The following PDSS2 variants were observed in gnomAD, a reference collection of about 807,000 sequenced individuals.
PDSS2 encodes the protein decaprenyl diphosphate synthase subunit 2, also known as all trans-polyprenyl-diphosphate synthase PDSS2.
PDSS2 carries 31 observed loss-of-function variants against 44.5 expected under a neutral mutation model. That is an observed-to-expected ratio of 0.70 (90% CI 0.52 to 0.94). The LOEUF is 0.94. Among genes scored for constraint, PDSS2 ranks in the 40% least tolerant of loss-of-function variants. The pLI, the probability that PDSS2 is intolerant of heterozygous loss-of-function variation, is 0.00. For synonymous variants in PDSS2, 157 were observed against 180.3 expected (o/e 0.87, Z 1.03); for missense variants, 452 against 482.2 (o/e 0.94, Z 0.59).
intron 7 of PDSS2, among the ~76,000 whole-genome samples, chr6:107,181,595 G>T (rs977169673): frequency 6.9e-6 from 1 of 143,932 alleles, no homozygotes; most frequent in African/African-American, 2.6e-5. Context: ...AAGAAAAAAA[G>T]AAAATTATGG....
At chr6:107,326,643 G>A (rs988127601) in intron 2 of PDSS2, among the ~76,000 whole-genome samples, 5 of 151,738 alleles carry the variant, frequency 3.3e-5, no homozygotes, top group Non-Finnish European at 4.4e-5. Context: ...CTTGAGGCTA[G>A]GAGTTCAATA....
At chr6:107,236,018 A>C (rs1370192801) in intron 4 of PDSS2, among the ~76,000 whole-genome samples, 15 of 152,190 alleles carry the variant, frequency 9.9e-5, no homozygotes, top group Non-Finnish European at 4.4e-5. Flanking sequence ...TCAGAAAAAA[A>C]AATTGAAGAA....
At chr6:107,398,073 A>G (rs1780002361) in intron 1 of PDSS2, among the ~76,000 whole-genome samples, 1 of 152,220 alleles carries the variant, frequency 6.6e-6, no homozygotes, top group African/African-American at 2.4e-5. Flanking sequence ...CTCTGTAACT[A>G]ACCTTTAAGA....
chr6:107,274,085 CA>C lies in PDSS2; in HGVS notation c.573del (p.Ser191ArgfsTer6). On this transcript the variant is annotated frameshift_variant, in exon 3 of 8. Transcript: ENST00000369037. LOFTEE classifies it high-confidence loss of function. Reference sequence around the variant, plus strand: ...CAGGCATTTGCTAGAAGAAAGTCTCCACTCAGGATAGCAATTTTATTTCCAA... The same window carrying C: ...CAGGCATTTGCTAGAAGAAAGTCTCCCTCAGGATAGCAATTTTATTTCCAA... ...MQFGNKIAIL[S>X]GDFLLANACN... The C allele has an allele frequency of 6.2e-7, 1 of 1,614,034 alleles. No homozygotes were observed. Among genetic ancestry groups the C allele is most frequent in the Non-Finnish European group, 8.5e-7 (1 of 1,179,918 alleles).
chr6:107,273,146 AG>A (rs1775660811), intron 3 of PDSS2, among the ~76,000 whole-genome samples: 1 of 151,878 alleles, frequency 6.6e-6, no homozygotes, highest in Non-Finnish European at 1.5e-5. Context: ...CACCACGCCC[AG>A]TTAATTTTTT....
rs562221778 is a variant in PDSS2, at chr6:107,408,337, T to C, written c.296+50653A>G. On this transcript the variant is annotated intron_variant, in intron 1 of 7. Coordinates refer to ENST00000369037, the MANE Select transcript of PDSS2 (RefSeq NM_020381.4). The stretch of plus-strand genomic sequence containing the variant: ...CTTACTAGCAGTTGTTATTAAATGA[T>C]TATTTAACACTCCTATACTTATTTC... 2.6e-5 allele frequency among the ~76,000 whole-genome samples: 4 copies of C among 152,308 alleles called. No individual in the cohort carries two copies. The South Asian group carries it at 6.2e-4, about 24-fold the overall frequency.
intron 1 of PDSS2, among the ~76,000 whole-genome samples, chr6:107,421,039 G>C (rs896572838): frequency 6.6e-6 from 1 of 152,148 alleles, no homozygotes; most frequent in Non-Finnish European, 1.5e-5. Flanking sequence ...AAAAAGACTT[G>C]AGTATTCATC....
intron 7 of PDSS2, among the ~76,000 whole-genome samples, chr6:107,180,265 C>T (rs545676178): frequency 6.6e-6 from 1 of 152,248 alleles, no homozygotes; most frequent in East Asian, 1.9e-4. Context: ...TAATTGAATC[C>T]AGCTATCCCA....
chr6:107,388,429 G>T (rs1211342997), intron 1 of PDSS2, among the ~76,000 whole-genome samples: 1 of 150,966 alleles, frequency 6.6e-6, no homozygotes, highest in African/African-American at 2.4e-5. Flanking sequence ...TTACGTTCAT[G>T]TAAAAATGTG....
At chr6:107,310,987 A>G (rs923252288) in intron 2 of PDSS2, among the ~76,000 whole-genome samples, 1 of 149,562 alleles carries the variant, frequency 6.7e-6, no homozygotes, top group African/African-American at 2.5e-5. Flanking sequence ...TTGTGATCTC[A>G]GTTCACTGCA....
At chr6:107,249,938 T>C (rs1351759177) in intron 3 of PDSS2, among the ~76,000 whole-genome samples, 2 of 152,242 alleles carry the variant, frequency 1.3e-5, no homozygotes, top group Non-Finnish European at 2.9e-5. Context: ...ACCTTTGTGA[T>C]GAATTTCTTA....
intron 1 of PDSS2, among the ~76,000 whole-genome samples, chr6:107,452,560 C>A (rs1287672963): frequency 6.6e-6 from 1 of 151,886 alleles, no homozygotes; most frequent in Non-Finnish European, 1.5e-5. Flanking sequence ...CTTTACATAA[C>A]CTGGATACAA....
At chr6:107,160,575 C>G (rs1300620330) in intron 7 of PDSS2, among the ~76,000 whole-genome samples, 1 of 151,768 alleles carries the variant, frequency 6.6e-6, no homozygotes, top group Non-Finnish European at 1.5e-5. Context: ...TGGTTTTAAA[C>G]TCCTGGCCTC....
chr6:107,220,247 T>G (rs1319693814), intron 4 of PDSS2, among the ~76,000 whole-genome samples: 2 of 152,130 alleles, frequency 1.3e-5, no homozygotes, highest in Non-Finnish European at 2.9e-5. Flanking sequence ...ATAAAGCTGT[T>G]AAGAAAGAAA....
chr6:107,189,335 T>C (rs1772287418), intron 7 of PDSS2, among the ~76,000 whole-genome samples: 1 of 151,806 alleles, frequency 6.6e-6, no homozygotes, highest in Non-Finnish European at 1.5e-5. Flanking sequence ...CAGACATATA[T>C]TTTTTTTCTT....
intron 7 of PDSS2, among the ~76,000 whole-genome samples, chr6:107,185,799 C>T (rs1479779585): frequency 1.3e-5 from 2 of 152,222 alleles, no homozygotes; most frequent in African/African-American, 4.8e-5. Context: ...CCCTCTAGCA[C>T]TGAGCTGAAG....
intron 7 of PDSS2, among the ~76,000 whole-genome samples, chr6:107,178,691 G>A (rs1771874258): frequency 6.6e-6 from 1 of 152,142 alleles, no homozygotes; most frequent in African/African-American, 2.4e-5. Flanking sequence ...TTTGTAGTAT[G>A]TCTAAAGCAC....
intron 1 of PDSS2, among the ~76,000 whole-genome samples, chr6:107,442,243 C>T (rs1016158055): frequency 1.3e-5 from 2 of 152,008 alleles, no homozygotes; most frequent in African/African-American, 2.4e-5. Flanking sequence ...ATGGTAAAAC[C>T]CTATCTCTAC....
At chr6:107,257,092 A>C (rs933733232) in intron 3 of PDSS2, among the ~76,000 whole-genome samples, 1 of 149,344 alleles carries the variant, frequency 6.7e-6, no homozygotes, top group African/African-American at 2.5e-5. Context: ...AGGCAGGAGA[A>C]TCTCTAGAAC....
Sources: allele counts gnomAD v4.1 joint callset (sites outside exome capture counted in the v4.1 genomes callset), GRCh38; gene constraint gnomAD v4.1.1; transcripts MANE v1.5; gene names NCBI Gene and HGNC (gene_info 2026-07-23, HGNC 2026-07-21).